The following PAPPA2 variants were observed in gnomAD, a reference collection of about 807,000 sequenced individuals.
The protein encoded by PAPPA2 is pappalysin 2.
Under a neutral mutation model 176.4 loss-of-function variants are expected in PAPPA2, and 86 were observed. The ratio of observed to expected loss-of-function variants is 0.49; its 90% CI spans 0.41 to 0.58. The LOEUF is 0.58. Among genes scored for constraint, PAPPA2 ranks in the 20% least tolerant of loss-of-function variants. PAPPA2 has a pLI of 0.00. For missense variants in PAPPA2, 2,073 were observed against 2,256.9 expected, an observed-to-expected ratio of 0.92 and a Z score of 1.65; for synonymous variants, 809 against 852.2, an observed-to-expected ratio of 0.95 and a Z score of 0.88.
intron 2 of PAPPA2, among the ~76,000 whole-genome samples, chr1:176,576,229 C>T (rs897922927): frequency 6.6e-6 from 1 of 152,124 alleles, no homozygotes; most frequent in African/African-American, 2.4e-5. Flanking sequence ...CCAGTGTTGC[C>T]AAATCTAGAG....
chr1:176,601,037 T>G (rs1249374965), intron 3 of PAPPA2, among the ~76,000 whole-genome samples: 1 of 152,212 alleles, frequency 6.6e-6, no homozygotes. Context: ...ATGTTAGAAA[T>G]TTAATCCCTG....
chr1:176,798,492 C>T (rs1214351142), intron 20 of PAPPA2, among the ~76,000 whole-genome samples: 1 of 152,184 alleles, frequency 6.6e-6, no homozygotes, highest in Non-Finnish European at 1.5e-5. Flanking sequence ...ATACATTTAC[C>T]TTTCAAAGAA....
rs571742246 is a variant in PAPPA2 at position 176,757,335 on chromosome 1, C to T, written c.4152-8331C>T. The stretch of plus-strand genomic sequence containing the variant: ...TCCACTCCTACCAACAGTGTAAAAG[C>T]GTTCTTATTTCTCCACATCCTCTCC... On this transcript the variant is annotated intron_variant, in intron 14 of 22. Transcript: ENST00000367662. Among the ~76,000 whole-genome samples, 11 of 152,284 alleles carry T rather than the reference C, an allele frequency of 7.2e-5. No individual in the cohort carries two copies. In the South Asian group the frequency reaches 8.3e-4, roughly 11 times the overall value.
At chr1:176,472,343 C>T (rs1438573060) in intron 1 of PAPPA2, among the ~76,000 whole-genome samples, 1 of 152,128 alleles carries the variant, frequency 6.6e-6, no homozygotes, top group Non-Finnish European at 1.5e-5. Flanking sequence ...CCATTGTAAT[C>T]ATTATCTTTA....
rs191535515 is a variant in PAPPA2, at chr1:176,676,925, A to G, written c.2137+5810A>G. ...AAATGCTTAAATTGTCTCATGAATC[A>G]CTGACTTATAATGGAATTGCAAAAG... On this transcript the variant is annotated intron_variant, in intron 4 of 22. Coordinates refer to ENST00000367662, the MANE Select transcript of PAPPA2 (RefSeq NM_020318.3). Among the ~76,000 whole-genome samples, 211 of 152,244 alleles carry G rather than the reference A, an allele frequency of 1.4e-3. 4 individuals are homozygous for G. Among genetic ancestry groups the G allele is most frequent in the Non-Finnish European group, 1.8e-4 (12 of 68,000 alleles).
intron 3 of PAPPA2, among the ~76,000 whole-genome samples, chr1:176,641,172 T>C (rs1573179572): frequency 6.6e-6 from 1 of 151,598 alleles, no homozygotes; most frequent in Non-Finnish European, 1.5e-5. Context: ...TTTCTTTTGC[T>C]GTGCAGAAGC....
chr1:176,505,399 T>C (rs1327905312), intron 1 of PAPPA2, among the ~76,000 whole-genome samples: 1 of 152,032 alleles, frequency 6.6e-6, no homozygotes, highest in Non-Finnish European at 1.5e-5. Flanking sequence ...ACAAAGTACA[T>C]GAGACAACTG....
chr1:176,616,445 A>G, intron 3 of PAPPA2: 1 of 666,398 alleles, frequency 1.5e-6, no homozygotes, highest in Non-Finnish European at 2.8e-6. Context: ...ATGCTAGGGC[A>G]ACAAGTACTG....
rs1417495885 is a variant in PAPPA2 at position 176,845,453 on chromosome 1, T to C, written c.*2999T>C. On this transcript the variant is annotated 3_prime_UTR_variant, in exon 23 of 23. Transcript: ENST00000367662. The stretch of plus-strand genomic sequence containing the variant: ...CACTTCCTGTATTCTTTGTGATCAC[T>C]ATTGAGTGCATTAGTTAACACCCAA... 6.6e-6 allele frequency: 1 copy of C among 152,206 alleles called. No homozygotes were observed. The highest frequency in any genetic ancestry group is 2.4e-5 in the African/African-American group (1 of 41,454). 9.4% of individuals were successfully genotyped at this position (152,206 alleles called of 1,614,324 possible). A position where few individuals can be genotyped will look rare whatever the true frequency, so the allele number is the denominator to read the frequency against.
At chr1:176,547,880 A>G (rs938468362) in intron 1 of PAPPA2, among the ~76,000 whole-genome samples, 4 of 152,196 alleles carry the variant, frequency 2.6e-5, no homozygotes, top group African/African-American at 9.7e-5. Flanking sequence ...CTATTCCTTT[A>G]TCCTCCATTC....
chr1:176,477,042 C>A (rs577211977), intron 1 of PAPPA2, among the ~76,000 whole-genome samples: 1 of 152,162 alleles, frequency 6.6e-6, no homozygotes, highest in Non-Finnish European at 1.5e-5. Flanking sequence ...GTTTCCTGGG[C>A]ACTTTTCTCA....
intron 3 of PAPPA2, among the ~76,000 whole-genome samples, chr1:176,625,093 A>G (rs1259597262): frequency 6.6e-6 from 1 of 152,226 alleles, no homozygotes; most frequent in African/African-American, 2.4e-5. Context: ...GTTTAAGGCC[A>G]GTGCTAGGTA....
chr1:176,687,772 T>C (rs1042876713), intron 4 of PAPPA2, among the ~76,000 whole-genome samples: 3 of 152,146 alleles, frequency 2.0e-5, no homozygotes, highest in African/African-American at 7.2e-5. Context: ...TGGTAGTGTT[T>C]GTTGGATTGT....
chr1:176,693,300 A>C (rs1660210963), intron 6 of PAPPA2, among the ~76,000 whole-genome samples: 1 of 152,232 alleles, frequency 6.6e-6, no homozygotes, highest in South Asian at 2.1e-4. Flanking sequence ...AGTTCCTGCT[A>C]AATAAGTGAG....
At chr1:176,664,610 C>T (rs535346926) in intron 3 of PAPPA2, among the ~76,000 whole-genome samples, 87 of 152,276 alleles carry the variant, frequency 5.7e-4, no homozygotes, top group Non-Finnish European at 9.6e-4. Context: ...GACTAGGACA[C>T]GGACATCCTT....
At chr1:176,613,083 G>A (rs1470848673) in intron 3 of PAPPA2, among the ~76,000 whole-genome samples, 1 of 152,184 alleles carries the variant, frequency 6.6e-6, no homozygotes, top group Admixed American at 6.5e-5. Flanking sequence ...TCTCTTGGGA[G>A]GGGGAAGATT....
intron 2 of PAPPA2, among the ~76,000 whole-genome samples, chr1:176,558,944 G>A (rs1420475196): frequency 1.3e-5 from 2 of 152,170 alleles, no homozygotes; most frequent in Non-Finnish European, 2.9e-5. Flanking sequence ...TGGGTTACTA[G>A]AGGCCAAACC....
intron 1 of PAPPA2, among the ~76,000 whole-genome samples, chr1:176,543,954 A>T (rs569870725): frequency 6.6e-6 from 1 of 152,356 alleles, no homozygotes; most frequent in South Asian, 2.1e-4. Flanking sequence ...CAGGGGTCTG[A>T]GTCACTGAAT....
chr1:176,792,065 T>A (rs1249592795), intron 19 of PAPPA2, among the ~76,000 whole-genome samples: 1 of 152,246 alleles, frequency 6.6e-6, no homozygotes, highest in Non-Finnish European at 1.5e-5. Flanking sequence ...TTCTCTGTGG[T>A]TGTTACTGGA....
Sources: gnomAD v4.1 joint callset for allele counts (sites outside exome capture counted in the v4.1 genomes callset) on GRCh38, gnomAD v4.1.1 for gene constraint, MANE v1.5 for transcripts, NCBI Gene and HGNC (gene_info 2026-07-23, HGNC 2026-07-21) for gene names.